The following DKK4 variants were observed in gnomAD, a reference collection of about 807,000 sequenced individuals.
DKK4 encodes the protein dickkopf Wnt signaling pathway inhibitor 4.
DKK4 carries 15 observed loss-of-function variants against 14.5 expected under a neutral mutation model. The observed-to-expected ratio is 1.03, with a 90% CI of 0.69 to 1.59. The LOEUF is 1.59. DKK4 is among the 40% of genes most tolerant of loss of function. DKK4 has a pLI of 0.00. For synonymous variants in DKK4, 89 were observed against 105.2 expected (o/e 0.85, Z 0.94); for missense variants, 272 against 280.3 (o/e 0.97, Z 0.21).
At chr8:42,386,974 G>T in the DKK4 span, among the ~76,000 whole-genome samples, 1 of 152,188 alleles carries the variant, frequency 6.6e-6, no homozygotes, top group African/African-American at 2.4e-5. Flanking sequence ...GCCACAGGGG[G>T]TTACCTTGGC....
chr8:42,374,430 T>C, intron 3 of DKK4, 71 bp from the exon 4 acceptor site: 1 of 1,586,942 alleles, frequency 6.3e-7, no homozygotes, highest in South Asian at 1.1e-5. Flanking sequence ...GCTACTGGGA[T>C]AAGGGAATGG....
At chr8:42,389,545 A>G in the DKK4 span, among the ~76,000 whole-genome samples, 2 of 152,168 alleles carry the variant, frequency 1.3e-5, no homozygotes, top group African/African-American at 4.8e-5. Context: ...ATTAACTTCA[A>G]ATACCTTTCA....
the DKK4 span, among the ~76,000 whole-genome samples, chr8:42,383,910 T>A: frequency 5.3e-5 from 8 of 152,240 alleles, no homozygotes; most frequent in South Asian, 1.7e-3. Context: ...GCCACTGCAC[T>A]CCAGCCTGGG....
upstream of DKK4, among the ~76,000 whole-genome samples, chr8:42,380,766 A>G (rs1441787773): frequency 2.7e-5 from 4 of 145,814 alleles, no homozygotes; most frequent in Middle Eastern, 3.3e-3. Context: ...GAGAGAGAGA[A>G]AGAGGAAGAA....
the DKK4 span, among the ~76,000 whole-genome samples, chr8:42,386,249 C>T: frequency 6.6e-6 from 1 of 151,924 alleles, no homozygotes; most frequent in African/African-American, 2.4e-5. Context: ...ACCACTGCAC[C>T]CAACTTGATG....
chr8:42,379,376 TATAGAGAGAGAGAGAGAGAG>T (rs1761072272), upstream of DKK4, among the ~76,000 whole-genome samples: 2 of 45,658 alleles, frequency 4.4e-5, no homozygotes, highest in East Asian at 6.9e-4. Context: ...TATATATATA[TATAGAGAGAGAGAGAGAGAG>T]AGAGAGAGAG....
chr8:42,380,485 G>A (rs757071607), upstream of DKK4, among the ~76,000 whole-genome samples: 1 of 138,778 alleles, frequency 7.2e-6, no homozygotes, highest in Non-Finnish European at 1.5e-5. Flanking sequence ...GGGAGGGGGA[G>A]AGAGAGAGAG....
At chr8:42,391,055 CT>C in the DKK4 span, among the ~76,000 whole-genome samples, 6 of 152,294 alleles carry the variant, frequency 3.9e-5, no homozygotes, top group South Asian at 1.2e-3. Context: ...ATTAGTTGGT[CT>C]TCTCCTCTAC....
At chr8:42,383,332 G>A in the DKK4 span, among the ~76,000 whole-genome samples, 1 of 152,214 alleles carries the variant, frequency 6.6e-6, no homozygotes, top group Non-Finnish European at 1.5e-5. Flanking sequence ...ATAGCCTCTG[G>A]CAGGTCATGT....
chr8:42,380,829 AAGGG>A (rs1173362971), upstream of DKK4, among the ~76,000 whole-genome samples: 20 of 141,334 alleles, frequency 1.4e-4, no homozygotes, highest in Non-Finnish European at 1.1e-4. Flanking sequence ...GGAAGGAAGG[AAGGG>A]AGGAAAAAAT....
the DKK4 span, among the ~76,000 whole-genome samples, chr8:42,390,137 G>GC: frequency 1.5e-3 from 229 of 151,932 alleles, 1 homozygote; most frequent in Middle Eastern, 3.4e-3. Flanking sequence ...CAAGTGATCC[G>GC]CCCCCCTCGG....
chr8:42,380,746 AAGAGAGAG>A (rs149482173), upstream of DKK4, among the ~76,000 whole-genome samples: 2 of 143,180 alleles, frequency 1.4e-5, no homozygotes, highest in South Asian at 2.4e-4. Context: ...AGAGAGTGGA[AAGAGAGAG>A]AGAGAGAGAG....
At chr8:42,376,382 A>G (rs1181629213) in intron 1 of DKK4, among the ~76,000 whole-genome samples, 8 of 152,242 alleles carry the variant, frequency 5.3e-5, no homozygotes, top group Non-Finnish European at 1.2e-4. Flanking sequence ...ACGTAGGTGT[A>G]GCATATATGA....
At chr8:42,387,419 A>G in the DKK4 span, among the ~76,000 whole-genome samples, 1 of 126,618 alleles carries the variant, frequency 7.9e-6, no homozygotes, top group Non-Finnish European at 1.6e-5. Context: ...GTGCAATGGC[A>G]CGATCTCTGC....
At position 42,374,111 on chromosome 8, in the gene DKK4, C is replaced by A; in HGVS notation, c.664G>T (p.Glu222Ter). The part of the protein sequence containing the change: ...HARLRVCQKI[E>*]KL ...TTATTTTGAAATATTTATAGCTTTT[C>A]TATTTTTTGGCATACTCTTAATCGA... Residue 222 changes from glutamate to a stop codon, truncating the protein, a stop_gained, in exon 4 of 4, where the codon GAA (glutamate) becomes TAA (stop). Coordinates refer to ENST00000220812, the MANE Select transcript of DKK4 (RefSeq NM_014420.3). LOFTEE classifies it high-confidence loss of function. 6.2e-7 allele frequency: 1 copy of A among 1,611,476 alleles called. No individual in the cohort carries two copies.
At chr8:42,385,571 A>C in the DKK4 span, among the ~76,000 whole-genome samples, 28 of 151,632 alleles carry the variant, frequency 1.8e-4, no homozygotes, top group African/African-American at 6.3e-4. Flanking sequence ...TGGCCCCCCC[A>C]TACCGCCACT....
the DKK4 span, among the ~76,000 whole-genome samples, chr8:42,387,995 A>G: frequency 3.3e-5 from 5 of 152,102 alleles, no homozygotes; most frequent in Admixed American, 1.3e-4. Flanking sequence ...CCCAGGCTCA[A>G]GCCATCCATC....
intron 3 of DKK4, 22 bp from the exon 4 acceptor site, chr8:42,374,381 C>CT: frequency 1.9e-6 from 3 of 1,610,570 alleles, no homozygotes; most frequent in Non-Finnish European, 2.5e-6. Flanking sequence ...TTAATGTGGG[C>CT]TTTAGTGATA....
In DKK4 at chr8:42,374,901, G is replaced by A. The variant is rs751200796; in HGVS notation, c.275C>T (p.Thr92Met). The change falls in exon 3 of 4, where the codon ACG (threonine) becomes ATG (methionine). Residue 92 changes from threonine to methionine, a missense_variant. By Grantham distance (81) the Thr-to-Met change is moderately conservative. Transcript: ENST00000220812. ...TAATATTGGGGTTGCATCTTCCATC[G>A]TAGTACAAACATCTGAGGGACAACC... ...GTLCVNDVCT[T>M]MEDATPILER... is the part of the protein sequence containing the mutation. The A allele has an allele frequency of 3.1e-6, 5 of 1,614,110 alleles. No individual in the cohort carries two copies. Among genetic ancestry groups the A allele is most frequent in the Middle Eastern group, 1.6e-4 (1 of 6,062 alleles).
Sources: allele counts gnomAD v4.1 joint callset (sites outside exome capture counted in the v4.1 genomes callset), GRCh38; gene constraint gnomAD v4.1.1; transcripts MANE v1.5; gene names NCBI Gene and HGNC (gene_info 2026-07-23, HGNC 2026-07-21).